EPB41L4A: variants seen among roughly 807,000 people sequenced by gnomAD.
EPB41L4A encodes the protein band 4.1-like protein 4A.
Under a neutral mutation model 108.6 loss-of-function variants are expected in EPB41L4A, and 100 were observed. That is an observed-to-expected ratio of 0.92 (90% CI 0.78 to 1.09). EPB41L4A has a LOEUF of 1.09. EPB41L4A is among the 50% of genes least tolerant of loss of function. EPB41L4A has a pLI of 0.00. For synonymous variants in EPB41L4A, 319 were observed against 289.0 expected, an observed-to-expected ratio of 1.10 and a Z score of -1.05; for missense variants, 1,030 against 842.7, an observed-to-expected ratio of 1.22 and a Z score of -2.75.
chr5:112,222,964 T>C (rs917789965), intron 12 of EPB41L4A, among the ~76,000 whole-genome samples: 9 of 145,950 alleles, frequency 6.2e-5, no homozygotes, highest in African/African-American at 2.3e-4. Flanking sequence ...TTTTTTAAGA[T>C]GGAGTCTGGC....
rs1298424790 is a variant in EPB41L4A, at chr5:112,345,778, TATACACACACACACACACAC to T, written c.100-38308_100-38289del. ...GCATATATATATATACATATATATATATACACACACACACACACACACACACACACACACACACACACACG... is the reference window on the plus strand; with the variant it reads ...GCATATATATATATACATATATATATACACACACACACACACACACACACG... On this transcript the variant is annotated intron_variant, in intron 1 of 22. Coordinates refer to ENST00000261486, the MANE Select transcript of EPB41L4A (RefSeq NM_022140.5). 3.2e-3 allele frequency among the ~76,000 whole-genome samples: 416 copies of T among 130,780 alleles called. 2 individuals carry two copies. The highest frequency in any genetic ancestry group is 0.011 in the East Asian group (45 of 4,080). The allele number at this position is 130,780 out of a possible 152,430, so 85.8% of individuals were successfully genotyped here.
At chr5:112,400,508 G>T (rs1761674078) in intron 1 of EPB41L4A, among the ~76,000 whole-genome samples, 1 of 152,096 alleles carries the variant, frequency 6.6e-6, no homozygotes, top group African/African-American at 2.4e-5. Flanking sequence ...GGCAAAGGGG[G>T]AGCAGGCAGG....
intron 12 of EPB41L4A, among the ~76,000 whole-genome samples, chr5:112,155,017 C>G (rs57764435): frequency 0.051 from 7,688 of 152,128 alleles, 664 homozygotes; most frequent in African/African-American, 0.18. Context: ...ACTAGAACAC[C>G]TGAATGGTCC....
chr5:112,258,243 T>C (rs150349235), intron 9 of EPB41L4A, among the ~76,000 whole-genome samples: 6 of 152,214 alleles, frequency 3.9e-5, no homozygotes, highest in South Asian at 2.1e-4. Flanking sequence ...CATCAGCTCA[T>C]TGATCATTCA....
At chr5:112,390,577 A>G (rs535534356) in intron 1 of EPB41L4A, among the ~76,000 whole-genome samples, 1 of 152,330 alleles carries the variant, frequency 6.6e-6, no homozygotes, top group South Asian at 2.1e-4. Context: ...CTGCAGCTCA[A>G]CGAGGCCAGC....
Position 112,259,998 on chromosome 5 carries a change from G to A in EPB41L4A, c.643-19C>T. On this transcript the variant is annotated intron_variant, in intron 7 of 22. Transcript: ENST00000261486. ...TTTCTCCCTGCAAAAACAAACATAT[G>A]CCTATAACCACATATTCACATAAAA... 1 of 1,513,678 alleles carries A rather than the reference G, an allele frequency of 6.6e-7. No homozygotes were observed. The highest frequency in any genetic ancestry group is 1.1e-5 in the South Asian group (1 of 88,786). The allele number at this position is 1,513,678 out of a possible 1,614,324, so 93.8% of individuals were successfully genotyped here. A position where few individuals can be genotyped will look rare whatever the true frequency, so the allele number is the denominator to read the frequency against.
At chr5:112,419,809 G>A (rs1177713284), upstream of EPB41L4A, 3 of 456,770 alleles carry the variant, frequency 6.6e-6, no homozygotes, top group Non-Finnish European at 8.8e-6. Flanking sequence ...CTCCCGTCCG[G>A]GGACTCCCGA....
At chr5:112,341,283 C>A (rs549393002) in intron 1 of EPB41L4A, among the ~76,000 whole-genome samples, 1 of 152,244 alleles carries the variant, frequency 6.6e-6, no homozygotes, top group African/African-American at 2.4e-5. Context: ...CCACATATAA[C>A]TGTGTTTGAT....
chr5:112,314,536 A>G (rs112822148), intron 1 of EPB41L4A, among the ~76,000 whole-genome samples: 35 of 113,644 alleles, frequency 3.1e-4, no homozygotes, highest in African/African-American at 1.1e-3. Flanking sequence ...AAAAAAAAAA[A>G]AAGAAAAGAA....
chr5:112,328,285 G>A (rs1355344894), intron 1 of EPB41L4A, among the ~76,000 whole-genome samples: 3 of 151,986 alleles, frequency 2.0e-5, no homozygotes, highest in Non-Finnish European at 4.4e-5. Context: ...CTCCAGCCTT[G>A]GTGACACGGC....
At chr5:112,275,735 T>C (rs1752588530) in intron 3 of EPB41L4A, among the ~76,000 whole-genome samples, 1 of 124,246 alleles carries the variant, frequency 8.0e-6, no homozygotes. Flanking sequence ...AAATAAATGG[T>C]TTAAAAAACC....
At chr5:112,357,067 T>C (rs368957794) in intron 1 of EPB41L4A, among the ~76,000 whole-genome samples, 1 of 152,156 alleles carries the variant, frequency 6.6e-6, no homozygotes, top group African/African-American at 2.4e-5. Flanking sequence ...GCAACAAAGA[T>C]AGACTGCAGC....
At chr5:112,219,206 G>A (rs920837964) in intron 12 of EPB41L4A, among the ~76,000 whole-genome samples, 4 of 152,144 alleles carry the variant, frequency 2.6e-5, no homozygotes, top group Non-Finnish European at 5.9e-5. Flanking sequence ...TAATCCCCAC[G>A]TCGTCGTGGG....
At chr5:112,366,082 C>A (rs1759103364) in intron 1 of EPB41L4A, among the ~76,000 whole-genome samples, 1 of 151,906 alleles carries the variant, frequency 6.6e-6, no homozygotes, top group Non-Finnish European at 1.5e-5. Context: ...TCAAAAGGAC[C>A]CCAGGTAAAG....
intron 12 of EPB41L4A, among the ~76,000 whole-genome samples, chr5:112,230,009 A>G (rs1748765036): frequency 6.6e-6 from 1 of 151,604 alleles, no homozygotes; most frequent in Non-Finnish European, 1.5e-5. Flanking sequence ...AAAAAAGAAT[A>G]ATGGTCTCCA....
chr5:112,165,200 G>T, intron 22 of EPB41L4A, 82 bp from the exon 23 acceptor site: 1 of 1,071,440 alleles, frequency 9.3e-7, no homozygotes, highest in Non-Finnish European at 1.4e-6. Flanking sequence ...AAACCAAGCT[G>T]CTCTTAAATT....
intron 18 of EPB41L4A, chr5:112,175,285 T>C (rs996377559): frequency 4.6e-5 from 7 of 152,224 alleles, no homozygotes; most frequent in Admixed American, 3.3e-4. Flanking sequence ...GGTTCACCCA[T>C]GTAGAAAAGC....
At chr5:112,301,678 C>T (rs953207301) in intron 2 of EPB41L4A, among the ~76,000 whole-genome samples, 4 of 152,136 alleles carry the variant, frequency 2.6e-5, no homozygotes, top group Non-Finnish European at 2.9e-5. Flanking sequence ...CTGCACGATC[C>T]GTCCGAGTGG....
chr5:112,241,874 G>A (rs1388334025), intron 9 of EPB41L4A, among the ~76,000 whole-genome samples: 2 of 152,158 alleles, frequency 1.3e-5, no homozygotes, highest in Non-Finnish European at 2.9e-5. Flanking sequence ...GCTTCCTAGA[G>A]CAGGTAAAAG....
Sources: allele counts gnomAD v4.1 joint callset (sites outside exome capture counted in the v4.1 genomes callset), GRCh38; gene constraint gnomAD v4.1.1; transcripts MANE v1.5; gene names NCBI Gene and HGNC (gene_info 2026-07-23, HGNC 2026-07-21).